ABHD12: variants seen among roughly 807,000 people sequenced by gnomAD.
ABHD12 encodes abhydrolase domain containing 12, lysophospholipase.
In ABHD12, 43 loss-of-function variants were observed where a neutral mutation model predicts 58.3. The ratio of observed to expected loss-of-function variants is 0.74; its 90% CI spans 0.58 to 0.95. The LOEUF (loss-of-function observed/expected upper bound fraction) is 0.95, where lower values mean the gene tolerates loss of function less well. ABHD12 is among the 40% of genes least tolerant of loss of function. The pLI is 0.00. For synonymous variants in ABHD12, 219 were observed against 211.2 expected (o/e 1.04, Z -0.32); for missense variants, 539 against 537.2 (o/e 1.00, Z -0.03).
At chr20:25,387,524 A>G (rs1286094376) in intron 1 of ABHD12, among the ~76,000 whole-genome samples, 2 of 144,650 alleles carry the variant, frequency 1.4e-5, no homozygotes, top group Non-Finnish European at 3.0e-5. Context: ...GGCCAGGAAG[A>G]AGGATCGCTT....
chr20:25,368,529 C>T, intron 1 of ABHD12: 14 of 1,477,314 alleles, frequency 9.5e-6, no homozygotes, highest in Non-Finnish European at 1.3e-5. Flanking sequence ...CCAAATTTCT[C>T]CCCGTAAATG....
chr20:25,312,690 T>C (rs541274099), intron 6 of ABHD12, among the ~76,000 whole-genome samples: 48 of 146,804 alleles, frequency 3.3e-4, no homozygotes, highest in African/African-American at 1.2e-3. Flanking sequence ...GTCTGGGAAG[T>C]GAGGAGCGCC....
intron 1 of ABHD12, among the ~76,000 whole-genome samples, chr20:25,365,995 G>A (rs993396104): frequency 2.6e-5 from 4 of 152,098 alleles, no homozygotes; most frequent in Admixed American, 1.3e-4. Context: ...AGCTGAGATC[G>A]CACCACTGCA....
At chr20:25,329,966 T>A (rs1021652260) in intron 2 of ABHD12, among the ~76,000 whole-genome samples, 2 of 152,194 alleles carry the variant, frequency 1.3e-5, no homozygotes, top group East Asian at 3.8e-4. Context: ...GGAGCCAAGA[T>A]GGCCAAATAG....
At position 25,322,375 on chromosome 20, in the gene ABHD12, A is replaced by ATTT. The variant is rs1176187862; in HGVS notation, c.422+949_422+950insAAA. On this transcript the variant is annotated intron_variant, in intron 3 of 12. Coordinates refer to ENST00000339157, the MANE Select transcript of ABHD12 (RefSeq NM_001042472.3). ...CCTCTTGGAAAAGATATATATATAT[A>ATTT]TATATATTTTTTTTTTTTTTTGAGA... Among the ~76,000 whole-genome samples, 5 of 43,266 alleles carry ATTT rather than the reference A, an allele frequency of 1.2e-4. 1 individual carries two copies. Among genetic ancestry groups the ATTT allele is most frequent in the South Asian group, 2.2e-3 (2 of 920 alleles). The allele number at this position is 43,266 out of a possible 152,430, so 28.4% of individuals were successfully genotyped here.
chr20:25,307,958 G>C lies in ABHD12; in HGVS notation c.867+8C>G, dbSNP rs1447486533. On this transcript the variant is annotated splice_region_variant and intron_variant, in intron 9 of 12. Transcript: ENST00000339157. Reference sequence around the variant, plus strand: ...GAAAAGTTAATTTTTAATAAAATCTGTACTTGCCACTGAAAATGGATGGCT... The same window carrying C: ...GAAAAGTTAATTTTTAATAAAATCTCTACTTGCCACTGAAAATGGATGGCT... 2.0e-6 allele frequency: 3 copies of C among 1,527,736 alleles called. No homozygotes were observed. In the African/African-American group the frequency reaches 4.1e-5, roughly 21 times the overall value. The allele number at this position is 1,527,736 out of a possible 1,614,324, so 94.6% of individuals were successfully genotyped here. A position where few individuals can be genotyped will look rare whatever the true frequency, so the allele number is the denominator to read the frequency against.
At chr20:25,378,047 A>G (rs1024078901) in intron 1 of ABHD12, among the ~76,000 whole-genome samples, 3 of 152,196 alleles carry the variant, frequency 2.0e-5, no homozygotes, top group Non-Finnish European at 4.4e-5. Context: ...CAAGATTCCA[A>G]TACTTTCCAA....
At chr20:25,351,033 C>A (rs966961946) in intron 1 of ABHD12, among the ~76,000 whole-genome samples, 1 of 151,064 alleles carries the variant, frequency 6.6e-6, no homozygotes, top group Non-Finnish European at 1.5e-5. Flanking sequence ...GGTATATAAA[C>A]CTTCACCTCT....
intron 6 of ABHD12, among the ~76,000 whole-genome samples, chr20:25,312,410 ACCGCGAGTGATCTG>A (rs1325588413): frequency 6.6e-6 from 1 of 152,166 alleles, no homozygotes; most frequent in Admixed American, 6.5e-5. Context: ...TCAGCTCCTA[ACCGCGAGTGATCTG>A]CCAGCATCGG....
At chr20:25,375,895 G>T (rs565594638) in intron 1 of ABHD12, among the ~76,000 whole-genome samples, 72 of 152,290 alleles carry the variant, frequency 4.7e-4, no homozygotes, top group African/African-American at 1.6e-3. Flanking sequence ...GGCCAAGGCA[G>T]GTGGATCACG....
intron 1 of ABHD12, among the ~76,000 whole-genome samples, chr20:25,384,877 G>GA: frequency 6.6e-6 from 1 of 152,296 alleles, no homozygotes; most frequent in African/African-American, 2.4e-5. Flanking sequence ...GTCCCCTTCA[G>GA]AAAGAACCTG....
chr20:25,308,641 C>T, intron 7 of ABHD12, 147 bp from the exon 8 acceptor site: 1 of 1,031,508 alleles, frequency 9.7e-7, no homozygotes, highest in Non-Finnish European at 1.5e-6. Context: ...GGAGATCCCT[C>T]TAGCACTGGG....
At chr20:25,384,072 G>A (rs1221008318) in intron 1 of ABHD12, among the ~76,000 whole-genome samples, 1 of 146,980 alleles carries the variant, frequency 6.8e-6, no homozygotes, top group Non-Finnish European at 1.5e-5. Context: ...AATCTGGGAG[G>A]CAGAGGTTGC....
intron 5 of ABHD12, 70 bp from the exon 6 acceptor site, chr20:25,315,040 AC>A: frequency 6.6e-7 from 1 of 1,518,830 alleles, no homozygotes; most frequent in Non-Finnish European, 9.1e-7. Context: ...CTTGCCGCTT[AC>A]TAAACTCATC....
chr20:25,390,724 C>T lies in ABHD12; in HGVS notation c.-21G>A. The T allele has an allele frequency of 7.7e-7, 1 of 1,305,144 alleles. No individual in the cohort carries two copies. Among genetic ancestry groups the T allele is most frequent in the Non-Finnish European group, 9.7e-7 (1 of 1,030,708 alleles). The allele number at this position is 1,305,144 out of a possible 1,614,324, so 80.8% of individuals were successfully genotyped here. ...CTCATCCCGCGGCCGACAGGGCCAG[C>T]CGCCGACGGCGCCCGCTGGCCTGCG... On this transcript the variant is annotated 5_prime_UTR_variant, in exon 1 of 13. Coordinates refer to ENST00000339157, the MANE Select transcript of ABHD12 (RefSeq NM_001042472.3).
At chr20:25,325,139 A>C (rs2089150852) in intron 2 of ABHD12, among the ~76,000 whole-genome samples, 1 of 148,168 alleles carries the variant, frequency 6.7e-6, no homozygotes, top group African/African-American at 2.5e-5. Flanking sequence ...CCAGGAGGTC[A>C]AGGCTGCAGT....
chr20:25,372,425 G>T (rs942551224), intron 1 of ABHD12, among the ~76,000 whole-genome samples: 1 of 151,954 alleles, frequency 6.6e-6, no homozygotes, highest in African/African-American at 2.4e-5. Context: ...GGCTGGACTG[G>T]AACTCCTGGG....
intron 4 of ABHD12, among the ~76,000 whole-genome samples, chr20:25,319,717 C>T (rs896294597): frequency 6.6e-6 from 1 of 152,222 alleles, no homozygotes; most frequent in Non-Finnish European, 1.5e-5. Flanking sequence ...GACCCCTCCT[C>T]GGAGGGACCC....
rs2088614130 is a variant in ABHD12 at position 25,300,427 on chromosome 20, A to C, written c.*418T>G. The C allele has an allele frequency of 8.6e-7, 1 of 1,158,918 alleles. No individual in the cohort carries two copies. The highest frequency in any genetic ancestry group is 1.1e-6 in the Non-Finnish European group (1 of 928,282). The allele number at this position is 1,158,918 out of a possible 1,614,324, so 71.8% of individuals were successfully genotyped here. On this transcript the variant is annotated 3_prime_UTR_variant, in exon 13 of 13. Coordinates refer to ENST00000339157, the MANE Select transcript of ABHD12 (RefSeq NM_001042472.3). ...CTGGAGTCATTCTGCATGTGCTGGG[A>C]AGGTGCAGAAAGAACCTGGACCCCA... is the stretch of plus-strand genomic sequence containing the variant.
Sources: gnomAD v4.1 joint callset for allele counts (sites outside exome capture counted in the v4.1 genomes callset) on GRCh38, gnomAD v4.1.1 for gene constraint, MANE v1.5 for transcripts, NCBI Gene and HGNC (gene_info 2026-07-23, HGNC 2026-07-21) for gene names.